The following TTLL8 variants were observed in gnomAD, a reference collection of about 807,000 sequenced individuals.
The protein encoded by TTLL8 is protein monoglycylase TTLL8.
A neutral mutation model predicts 77.8 loss-of-function variants in TTLL8; 65 were observed. That is an observed-to-expected ratio of 0.84 (90% CI 0.68 to 1.03). The LOEUF (loss-of-function observed/expected upper bound fraction) is 1.03, where lower values mean the gene tolerates loss of function less well. TTLL8 is among the 50% of genes least tolerant of loss of function. The pLI is 0.00. For synonymous variants in TTLL8, 402 were observed against 422.8 expected (o/e 0.95, Z 0.60); for missense variants, 910 against 1,004.5 (o/e 0.91, Z 1.27).
intron 12 of TTLL8, among the ~76,000 whole-genome samples, chr22:50,021,306 G>GCACTCCTCCATCTGACA: frequency 7.6e-6 from 1 of 130,882 alleles, no homozygotes; most frequent in South Asian, 2.6e-4. Flanking sequence ...ATCTGACGAT[G>GCACTCCTCCATCTGACA]TGTACTCCTC....
intron 10 of TTLL8, among the ~76,000 whole-genome samples, chr22:50,032,519 C>T (rs1373166155): frequency 2.0e-5 from 3 of 152,236 alleles, no homozygotes; most frequent in Admixed American, 6.5e-5. Flanking sequence ...TGACTTCGAG[C>T]ATGACCCACC....
exon 12 of TTLL8, chr22:50,030,659 G>A (rs749895701): frequency 7.8e-7 from 1 of 1,281,466 alleles, no homozygotes; most frequent in South Asian, 1.3e-5. Context: ...CACCGCTCTC[G>A]GCTGCCCCCC....
chr22:50,031,826 T>A, exon 11 of TTLL8: 1 of 1,367,160 alleles, frequency 7.3e-7, no homozygotes, highest in South Asian at 1.1e-5. Flanking sequence ...TTGATCTCGA[T>A]CAGCCAGGGC....
intron 8 of TTLL8, among the ~76,000 whole-genome samples, chr22:50,037,079 G>A (rs1043831573): frequency 2.6e-5 from 4 of 152,210 alleles, no homozygotes; most frequent in African/African-American, 9.7e-5. Context: ...CATTGGGTAT[G>A]TAGATGCCTA....
intron 2 of TTLL8, among the ~76,000 whole-genome samples, chr22:50,049,788 C>A (rs2061433481): frequency 6.6e-6 from 1 of 152,122 alleles, no homozygotes; most frequent in African/African-American, 2.4e-5. Context: ...GAGGAGTGGA[C>A]TTCAGGGACC....
At chr22:50,029,601 G>T (rs1370700963) in intron 12 of TTLL8, among the ~76,000 whole-genome samples, 1 of 151,706 alleles carries the variant, frequency 6.6e-6, no homozygotes, top group African/African-American at 2.4e-5. Flanking sequence ...CGCGGTGGCG[G>T]GCGCCTGTGG....
At chr22:50,050,491 C>T (rs1036685867) in intron 1 of TTLL8, among the ~76,000 whole-genome samples, 2 of 151,888 alleles carry the variant, frequency 1.3e-5, no homozygotes, top group Non-Finnish European at 2.9e-5. Context: ...CTGCCTCAGC[C>T]TCCCAAGTAG....
At chr22:50,033,357 C>T (rs781012211) in exon 10 of TTLL8, 1 of 1,365,468 alleles carries the variant, frequency 7.3e-7, no homozygotes, top group South Asian at 1.1e-5. Context: ...CGATGTACTT[C>T]TGGACCACCC....
intron 12 of TTLL8, among the ~76,000 whole-genome samples, chr22:50,029,470 G>T (rs1461959189): frequency 1.3e-5 from 2 of 151,864 alleles, no homozygotes; most frequent in Non-Finnish European, 2.9e-5. Context: ...TGCCGGGCGC[G>T]GTGGCTCACG....
intron 1 of TTLL8, among the ~76,000 whole-genome samples, chr22:50,052,093 G>A (rs968039211): frequency 1.3e-5 from 2 of 152,034 alleles, no homozygotes; most frequent in Admixed American, 1.3e-4. Flanking sequence ...GCACCCACAC[G>A]AGACATCTGG....
At chr22:50,042,823 G>A (rs1877003414) in intron 6 of TTLL8, among the ~76,000 whole-genome samples, 1 of 152,188 alleles carries the variant, frequency 6.6e-6, no homozygotes, top group Non-Finnish European at 1.5e-5. Flanking sequence ...GCTACAAACA[G>A]AACCCTGACC....
chr22:50,030,090 G>T, intron 12 of TTLL8: 1 of 862,250 alleles, frequency 1.2e-6, no homozygotes, highest in Non-Finnish European at 1.4e-6. Flanking sequence ...TGCTGTTCAC[G>T]GCGCTGTTCA....
upstream of TTLL8, among the ~76,000 whole-genome samples, chr22:50,058,238 G>C (rs1230134264): frequency 6.6e-6 from 1 of 151,124 alleles, no homozygotes; most frequent in African/African-American, 2.4e-5. The surrounding 1 kb of genome is among the most constrained non-coding windows in gnomAD (Gnocchi z 4.2). Context: ...CACGCGCATT[G>C]TGCACCCCCG....
rs1794245234 is a variant in TTLL8 at position 50,034,681 on chromosome 22, G to C, written c.922-219C>G. On this transcript the variant is annotated intron_variant, in intron 8 of 13. Coordinates refer to ENST00000266182, the Ensembl canonical transcript of TTLL8. The surrounding 1 kb of genome is among the most constrained non-coding windows in gnomAD (Gnocchi z 4.1). ...CACCTGGAAAACACAGCCCTGTGAG[G>C]CTGCTCCAGACGAGGGCTGTGTTAA... Among the ~76,000 whole-genome samples the C allele has an allele frequency of 7.9e-5, 12 of 152,170 alleles. No homozygotes were observed. The highest frequency in any genetic ancestry group is 7.9e-4 in the Admixed American group (12 of 15,282).
chr22:50,055,386 G>T, upstream of TTLL8: 2 of 1,222,130 alleles, frequency 1.6e-6, no homozygotes, highest in South Asian at 2.6e-5. Flanking sequence ...AGGCACGGTG[G>T]CTCATGCCTG....
chr22:50,055,596 G>C (rs1241589576), upstream of TTLL8, among the ~76,000 whole-genome samples: 1 of 151,616 alleles, frequency 6.6e-6, no homozygotes, highest in Admixed American at 6.6e-5. Context: ...CGGAGGTTGT[G>C]GTGAGCCGAG....
chr22:50,046,396 G>A (rs917381359), intron 4 of TTLL8, among the ~76,000 whole-genome samples: 2 of 152,336 alleles, frequency 1.3e-5, no homozygotes, highest in East Asian at 1.9e-4. Flanking sequence ...CACCACACGC[G>A]AGGTAGCACG....
intron 12 of TTLL8, among the ~76,000 whole-genome samples, chr22:50,023,760 C>T (rs1166743334): frequency 6.6e-6 from 1 of 151,872 alleles, no homozygotes; most frequent in East Asian, 1.9e-4. Context: ...GTGGCTCACG[C>T]CTGTAATCCC....
chr22:50,033,892 C>T (rs1282976656), intron 9 of TTLL8, among the ~76,000 whole-genome samples: 2 of 152,096 alleles, frequency 1.3e-5, no homozygotes, highest in South Asian at 2.1e-4. Flanking sequence ...AAAAATTAGC[C>T]GGGTGTGGTG....
Sources: allele counts gnomAD v4.1 joint callset (sites outside exome capture counted in the v4.1 genomes callset), GRCh38; gene constraint gnomAD v4.1.1; non-coding constraint Gnocchi (gnomAD v3.1); transcripts MANE v1.5; gene names NCBI Gene and HGNC (gene_info 2026-07-23, HGNC 2026-07-21).